Variants in SEPTIN7 observed in about 807,000 individuals in gnomAD.
SEPTIN7 encodes the protein septin 7.
SEPTIN7 carries 10 observed loss-of-function variants against 63.3 expected under a neutral mutation model. The observed-to-expected ratio is 0.16, with a 90% confidence interval of 0.10 to 0.27. The LOEUF is 0.27. Among genes scored for constraint, SEPTIN7 ranks in the 10% least tolerant of loss-of-function variants. The pLI, the probability that SEPTIN7 is intolerant of heterozygous loss-of-function variation, is 1.00. For synonymous variants in SEPTIN7, 131 were observed against 165.3 expected, an observed-to-expected ratio of 0.79 and a Z score of 1.59; for missense variants, 310 against 521.0, an observed-to-expected ratio of 0.59 and a Z score of 3.94.
intron 3 of SEPTIN7, among the ~76,000 whole-genome samples, chr7:35,850,893 T>A (rs1241398934): frequency 6.6e-6 from 1 of 152,154 alleles, no homozygotes; most frequent in African/African-American, 2.4e-5. Flanking sequence ...AATCTAGAGA[T>A]TAATAAGAAA....
intron 3 of SEPTIN7, among the ~76,000 whole-genome samples, chr7:35,839,791 G>T (rs1433744426): frequency 6.6e-6 from 1 of 152,174 alleles, no homozygotes; most frequent in Non-Finnish European, 1.5e-5. Flanking sequence ...CTGACCTTGT[G>T]ATCCACTTGC....
chr7:35,879,310 A>G (rs988453045), intron 6 of SEPTIN7, among the ~76,000 whole-genome samples: 2 of 151,892 alleles, frequency 1.3e-5, no homozygotes, highest in Non-Finnish European at 2.9e-5. Flanking sequence ...CTGGCGAGAC[A>G]TTGTGTCTAC....
At chr7:35,839,246 TAAAG>T (rs1279298238) in intron 3 of SEPTIN7, among the ~76,000 whole-genome samples, 1 of 151,984 alleles carries the variant, frequency 6.6e-6, no homozygotes. Context: ...AAAAGGAAAA[TAAAG>T]ACTTAGCAGC....
intron 3 of SEPTIN7, among the ~76,000 whole-genome samples, chr7:35,850,778 T>G (rs1784918002): frequency 6.6e-6 from 1 of 152,188 alleles, no homozygotes; most frequent in Admixed American, 6.5e-5. Context: ...ATACTAAGAT[T>G]TTTAAGATCA....
At chr7:35,804,608 C>G (rs1159917272) in intron 1 of SEPTIN7, among the ~76,000 whole-genome samples, 4 of 152,112 alleles carry the variant, frequency 2.6e-5, no homozygotes, top group Non-Finnish European at 4.4e-5. Flanking sequence ...ATAGATACAC[C>G]AGTCAGAGTA....
intron 8 of SEPTIN7, 70 bp from the exon 9 acceptor site, chr7:35,883,821 T>C: frequency 1.1e-6 from 1 of 899,118 alleles, no homozygotes; most frequent in South Asian, 2.0e-5. Flanking sequence ...TTGAGTAATG[T>C]AACTTTTTTT....
downstream of SEPTIN7, among the ~76,000 whole-genome samples, chr7:35,909,499 A>T (rs1788700766): frequency 6.6e-6 from 1 of 152,218 alleles, no homozygotes; most frequent in Admixed American, 6.5e-5. Flanking sequence ...ACTTGTAAGA[A>T]CTGATGAACT....
chr7:35,846,266 A>T (rs533410961), intron 3 of SEPTIN7, among the ~76,000 whole-genome samples: 4 of 152,336 alleles, frequency 2.6e-5, no homozygotes, highest in African/African-American at 9.6e-5. Context: ...GTGTATCATA[A>T]TACGCTTAGC....
At chr7:35,872,179 T>C (rs1337362285) in intron 4 of SEPTIN7, among the ~76,000 whole-genome samples, 2 of 152,164 alleles carry the variant, frequency 1.3e-5, no homozygotes, top group Non-Finnish European at 2.9e-5. Flanking sequence ...ATAGTAAGTT[T>C]ATTTGAGTGA....
chr7:35,834,985 TCTTTGTA>T (rs1453169839), intron 3 of SEPTIN7, among the ~76,000 whole-genome samples: 1 of 152,160 alleles, frequency 6.6e-6, no homozygotes, highest in Non-Finnish European at 1.5e-5. Context: ...TTTATTAAAC[TCTTTGTA>T]CTTTGTTGGA....
chr7:35,810,934 T>C (rs1010655566), intron 1 of SEPTIN7, among the ~76,000 whole-genome samples: 2 of 151,680 alleles, frequency 1.3e-5, no homozygotes, highest in African/African-American at 2.4e-5. Flanking sequence ...GCCTGGCTAA[T>C]TTTTTTGTAT....
Position 35,867,063 on chromosome 7 carries a change from G to C in SEPTIN7, c.276+3405G>C, listed in dbSNP as rs541787548. ...ACTGGTTTTATCCTGTGTCTGTCAGGGTGAAAGGAGGAGAGGGAAGTGTTT... is the reference window on the plus strand; with the variant it reads ...ACTGGTTTTATCCTGTGTCTGTCAGCGTGAAAGGAGGAGAGGGAAGTGTTT... On this transcript the variant is annotated intron_variant, in intron 4 of 13. Transcript: ENST00000350320. 9.9e-5 allele frequency among the ~76,000 whole-genome samples: 15 copies of C among 152,224 alleles called. No homozygotes were observed. The East Asian group carries it at 2.9e-3, about 29-fold the overall frequency.
At chr7:35,877,440 C>T (rs921098402) in intron 6 of SEPTIN7, among the ~76,000 whole-genome samples, 2 of 152,022 alleles carry the variant, frequency 1.3e-5, no homozygotes, top group African/African-American at 4.8e-5. Context: ...GGGCCCTAAT[C>T]CCCCCAGTTT....
intron 11 of SEPTIN7, among the ~76,000 whole-genome samples, chr7:35,895,816 TA>T (rs952129862): frequency 2.6e-5 from 4 of 152,284 alleles, no homozygotes; most frequent in South Asian, 2.1e-4. Context: ...TAAATGAAGA[TA>T]TTTTTTTCTT....
At chr7:35,839,649 T>C (rs558255887) in intron 3 of SEPTIN7, among the ~76,000 whole-genome samples, 3 of 152,188 alleles carry the variant, frequency 2.0e-5, no homozygotes, top group African/African-American at 7.2e-5. Flanking sequence ...ACCTCCCAGG[T>C]TCAAGCAATT....
intron 6 of SEPTIN7, among the ~76,000 whole-genome samples, chr7:35,876,565 C>T (rs147467088): frequency 6.6e-6 from 1 of 152,300 alleles, no homozygotes; most frequent in Non-Finnish European, 1.5e-5. Context: ...AGGCCAGATG[C>T]AATGGCTTAC....
chr7:35,879,011 A>G (rs935602139), intron 6 of SEPTIN7, among the ~76,000 whole-genome samples: 4 of 152,232 alleles, frequency 2.6e-5, no homozygotes, highest in Admixed American at 2.6e-4. Context: ...TAAAGAATGT[A>G]CTTCTTAAGG....
At chr7:35,856,358 AGT>A (rs1785206017) in intron 3 of SEPTIN7, among the ~76,000 whole-genome samples, 1 of 152,178 alleles carries the variant, frequency 6.6e-6, no homozygotes, top group African/African-American at 2.4e-5. Flanking sequence ...GATATACCAC[AGT>A]GTATTTATCC....
Position 35,882,469 on chromosome 7 carries a change from C to A in SEPTIN7, c.631-15C>A, listed in dbSNP as rs1486149420. 3.5e-6 allele frequency: 5 copies of A among 1,442,768 alleles called. No individual in the cohort carries two copies. The South Asian group carries it at 5.4e-5, about 16-fold the overall frequency. The allele number at this position is 1,442,768 out of a possible 1,614,324, so 89.4% of individuals were successfully genotyped here. A position where few individuals can be genotyped will look rare whatever the true frequency, so the allele number is the denominator to read the frequency against. On this transcript the variant is annotated splice_polypyrimidine_tract_variant and intron_variant, in intron 7 of 13. Coordinates refer to ENST00000350320, the MANE Select transcript of SEPTIN7 (RefSeq NM_001788.6). Reference sequence around the variant, plus strand: ...ATGTATGGTGCTCTTTTGCTGACTACTTCTTCCATTTTAGATAATGAAAGA... The same window carrying A: ...ATGTATGGTGCTCTTTTGCTGACTAATTCTTCCATTTTAGATAATGAAAGA...
Sources: gnomAD v4.1 joint callset for allele counts (sites outside exome capture counted in the v4.1 genomes callset) on GRCh38, gnomAD v4.1.1 for gene constraint, MANE v1.5 for transcripts, NCBI Gene and HGNC (gene_info 2026-07-23, HGNC 2026-07-21) for gene names.